TENM1: variants seen among roughly 807,000 people sequenced by gnomAD.
TENM1 encodes the protein teneurin-1.
Under a neutral mutation model 174.8 loss-of-function variants are expected in TENM1, and 35 were observed. The observed-to-expected ratio is 0.20, with a 90% confidence interval of 0.15 to 0.27. TENM1 has a LOEUF of 0.27. TENM1 is among the 10% of genes least tolerant of loss of function. TENM1 has a pLI of 1.00. For synonymous variants in TENM1, 781 were observed against 798.7 expected (o/e 0.98, Z 0.37); for missense variants, 1,633 against 2,130.1 (o/e 0.77, Z 4.59).
At chrX:125,158,799 T>C in the TENM1 span, among the ~76,000 whole-genome samples, 1 of 111,753 alleles carries the variant, frequency 8.9e-6, no homozygotes, top group Non-Finnish European at 1.9e-5. Flanking sequence ...ACTAAATGGC[T>C]TCTAAGTTCC....
At chrX:124,597,184 A>G (rs2148270118) in intron 11 of TENM1, among the ~76,000 whole-genome samples, 1 of 111,995 alleles carries the variant, frequency 8.9e-6, no homozygotes, top group South Asian at 3.7e-4. Context: ...ATCTACCCAG[A>G]AGAAAAGATG....
At chrX:124,447,127 T>C (rs756186844) in intron 23 of TENM1, among the ~76,000 whole-genome samples, 2 of 111,365 alleles carry the variant, frequency 1.8e-5, no homozygotes, top group African/African-American at 6.5e-5. Context: ...TATAAACAAC[T>C]GGGGCTTTGC....
chrX:124,380,432 A>G (rs1399630770), exon 32 of TENM1: 3 of 751,991 alleles, frequency 4.0e-6, no homozygotes, highest in Non-Finnish European at 5.6e-6. Context: ...TTTTTCCTCC[A>G]TATTTACATA....
chrX:124,894,495 T>C (rs765057509), intron 2 of TENM1, 143 bp from the exon 6 acceptor site: 1 of 430,396 alleles, frequency 2.3e-6, no homozygotes, highest in Non-Finnish European at 4.0e-6. Flanking sequence ...ATATTCATCC[T>C]TTTAAAGCAT....
intron 11 of TENM1, among the ~76,000 whole-genome samples, chrX:124,598,585 C>T (rs1383635556): frequency 8.9e-6 from 1 of 111,791 alleles, no homozygotes; most frequent in African/African-American, 3.3e-5. Flanking sequence ...CTGTCATTTG[C>T]AAGAACATGG....
chrX:124,587,006 G>T (rs983757726), intron 11 of TENM1, among the ~76,000 whole-genome samples: 1 of 110,458 alleles, frequency 9.1e-6, no homozygotes, highest in African/African-American at 3.3e-5. Flanking sequence ...TCTTCAAGGA[G>T]AACTACAAAC....
intron 3 of TENM1, among the ~76,000 whole-genome samples, chrX:124,740,929 G>C (rs2053784291): frequency 9.0e-6 from 1 of 111,720 alleles, no homozygotes; most frequent in South Asian, 3.8e-4. Flanking sequence ...GAGAGGAAGG[G>C]AGAAGGGGGG....
At chrX:124,515,658 A>G (rs2047685797) in intron 18 of TENM1, among the ~76,000 whole-genome samples, 1 of 111,146 alleles carries the variant, frequency 9.0e-6, no homozygotes, top group African/African-American at 3.3e-5. Context: ...AATCTCTCAA[A>G]GAGAATTACA....
chrX:125,082,066 C>T, the TENM1 span, among the ~76,000 whole-genome samples: 1 of 110,427 alleles, frequency 9.1e-6, no homozygotes, highest in African/African-American at 3.3e-5. Context: ...TGGTGATGGA[C>T]ACCCTAAAAG....
the TENM1 span, among the ~76,000 whole-genome samples, chrX:125,007,118 C>T: frequency 3.1e-4 from 35 of 111,246 alleles, no homozygotes; most frequent in African/African-American, 1.1e-3. Flanking sequence ...TGCAAAGAAG[C>T]TAAAAACCTT....
chrX:124,561,723 G>A (rs748518858), exon 14 of TENM1: 11 of 1,210,962 alleles, frequency 9.1e-6, no homozygotes, highest in Non-Finnish European at 1.1e-5. Context: ...CAACATTGCA[G>A]CCTGTCCCAC....
rs185368807 is a variant in TENM1, at chrX:124,504,622, G to A, written c.3302-919C>T. 2.2e-4 allele frequency among the ~76,000 whole-genome samples: 24 copies of A among 111,310 alleles called. No homozygotes were observed. In the East Asian group the frequency reaches 4.2e-3, roughly 20 times the overall value. On this transcript the variant is annotated intron_variant, in intron 18 of 31. Coordinates refer to ENST00000422452, the Ensembl canonical transcript of TENM1. ...CTCATTATACTGCATATCCTGAAGC[G>A]GCTTTCCCTCTTTCTGGCAGCTTAA... is the stretch of plus-strand genomic sequence containing the variant.
intron 14 of TENM1, among the ~76,000 whole-genome samples, chrX:124,551,017 C>T (rs1267379383): frequency 8.9e-6 from 1 of 112,711 alleles, no homozygotes; most frequent in African/African-American, 3.2e-5. Flanking sequence ...GCCTTGGCCT[C>T]CCAAACTGTT....
At chrX:124,823,787 T>C (rs1386465024) in intron 3 of TENM1, among the ~76,000 whole-genome samples, 3 of 111,680 alleles carry the variant, frequency 2.7e-5, no homozygotes, top group Non-Finnish European at 5.7e-5. Flanking sequence ...AATTCTGTAA[T>C]GAATGAAAAA....
chrX:125,035,858 G>A, the TENM1 span, among the ~76,000 whole-genome samples: 1 of 110,854 alleles, frequency 9.0e-6, no homozygotes. Flanking sequence ...TATCCCTTGT[G>A]AATGGAGAAG....
At chrX:124,870,512 G>A (rs2147475513) in intron 3 of TENM1, among the ~76,000 whole-genome samples, 1 of 111,983 alleles carries the variant, frequency 8.9e-6, no homozygotes, top group African/African-American at 3.2e-5. Flanking sequence ...ATGGGTCAAA[G>A]TAGACCTCAC....
intron 4 of TENM1, among the ~76,000 whole-genome samples, chrX:124,723,119 C>G (rs1429681062): frequency 9.0e-6 from 1 of 111,437 alleles, no homozygotes; most frequent in Non-Finnish European, 1.9e-5. Flanking sequence ...GAAAGTTTTG[C>G]CCTGATTCAG....
chrX:124,759,839 G>T (rs1378324888), intron 3 of TENM1, among the ~76,000 whole-genome samples: 2 of 111,619 alleles, frequency 1.8e-5, no homozygotes, highest in Middle Eastern at 4.2e-3. Context: ...ATAACAATAC[G>T]CCATTGACTG....
chrX:125,051,092 C>T, the TENM1 span, among the ~76,000 whole-genome samples: 1 of 111,444 alleles, frequency 9.0e-6, no homozygotes, highest in African/African-American at 3.3e-5. Flanking sequence ...CTCCCATTCA[C>T]AATTGCTTCA....
Sources: allele counts gnomAD v4.1 joint callset (sites outside exome capture counted in the v4.1 genomes callset), GRCh38; gene constraint gnomAD v4.1.1; transcripts MANE v1.5; gene names NCBI Gene and HGNC (gene_info 2026-07-23, HGNC 2026-07-21).